The following LRMDA variants were observed in gnomAD, a reference collection of about 807,000 sequenced individuals.
LRMDA encodes leucine rich melanocyte differentiation associated, also known as leucine-rich melanocyte differentiation-associated protein.
In LRMDA, 18 loss-of-function variants were observed where a neutral mutation model predicts 29.8. The observed-to-expected ratio is 0.60, with a 90% CI of 0.42 to 0.90. LRMDA has a LOEUF of 0.90. LRMDA is among the 40% of genes least tolerant of loss of function. LRMDA has a pLI of 0.00. For missense variants in LRMDA, 273 were observed against 273.9 expected (o/e 1.00, Z 0.02); for synonymous variants, 125 against 109.4 (o/e 1.14, Z -0.89).
intron 2 of LRMDA, among the ~76,000 whole-genome samples, chr10:75,954,823 C>T (rs535494135): frequency 1.3e-5 from 2 of 152,254 alleles, no homozygotes; most frequent in Admixed American, 6.5e-5. Flanking sequence ...ACACAAACAT[C>T]GATAAACTCT....
At chr10:76,146,870 G>C (rs1475862152) in intron 5 of LRMDA, among the ~76,000 whole-genome samples, 1 of 151,838 alleles carries the variant, frequency 6.6e-6, no homozygotes, top group Non-Finnish European at 1.5e-5. Flanking sequence ...AGCTCATTTA[G>C]GGCAGGCCTG....
At chr10:75,891,578 T>C (rs1845492112) in intron 2 of LRMDA, among the ~76,000 whole-genome samples, 1 of 152,170 alleles carries the variant, frequency 6.6e-6, no homozygotes, top group Non-Finnish European at 1.5e-5. Flanking sequence ...CCTCAAAGGC[T>C]CTGGTCAGGA....
chr10:75,798,946 T>C (rs1334739553), intron 2 of LRMDA, among the ~76,000 whole-genome samples: 1 of 152,220 alleles, frequency 6.6e-6, no homozygotes, highest in Non-Finnish European at 1.5e-5. Context: ...ATTTTAATTA[T>C]CATTATGGCA....
chr10:75,790,037 C>T (rs1034563678), intron 2 of LRMDA, among the ~76,000 whole-genome samples: 1 of 151,960 alleles, frequency 6.6e-6, no homozygotes, highest in Non-Finnish European at 1.5e-5. Flanking sequence ...TATATCTTTG[C>T]TCACTTAAAG....
chr10:75,627,216 T>C (rs190998985), intron 2 of LRMDA, among the ~76,000 whole-genome samples: 29 of 152,370 alleles, frequency 1.9e-4, no homozygotes, highest in Admixed American at 1.2e-3. Flanking sequence ...AAAATTCAAC[T>C]TCAAATAGTT....
intron 2 of LRMDA, among the ~76,000 whole-genome samples, chr10:75,873,455 G>A (rs1356666749): frequency 6.6e-6 from 1 of 152,180 alleles, no homozygotes; most frequent in African/African-American, 2.4e-5. Flanking sequence ...AAATATTTGA[G>A]AAGAATATAA....
At chr10:75,718,436 C>G (rs1469978280) in intron 2 of LRMDA, among the ~76,000 whole-genome samples, 2 of 152,190 alleles carry the variant, frequency 1.3e-5, no homozygotes, top group Non-Finnish European at 2.9e-5. Flanking sequence ...GTCTACATTC[C>G]AGGACCGAAT....
intron 2 of LRMDA, among the ~76,000 whole-genome samples, chr10:75,963,697 CT>C (rs1287382682): frequency 6.6e-6 from 1 of 152,118 alleles, no homozygotes; most frequent in East Asian, 1.9e-4. Flanking sequence ...GGAATGAGAC[CT>C]GTTGTACCTG....
chr10:76,280,375 A>G (rs759010816), intron 5 of LRMDA, among the ~76,000 whole-genome samples: 1 of 152,150 alleles, frequency 6.6e-6, no homozygotes, highest in Non-Finnish European at 1.5e-5. Context: ...GGGATTTTGT[A>G]TCCACAGTAG....
chr10:76,071,386 G>A (rs1848873929), intron 5 of LRMDA, among the ~76,000 whole-genome samples: 1 of 152,188 alleles, frequency 6.6e-6, no homozygotes, highest in Admixed American at 6.5e-5. Flanking sequence ...TAGAAAAAGA[G>A]AAAGAGAGGT....
At chr10:75,659,192 T>C (rs1010627016) in intron 2 of LRMDA, among the ~76,000 whole-genome samples, 2 of 152,172 alleles carry the variant, frequency 1.3e-5, no homozygotes, top group South Asian at 4.1e-4. Context: ...TCATGGTGCC[T>C]CTTAGGGAGT....
At chr10:75,752,762 A>T (rs1842983619) in intron 2 of LRMDA, among the ~76,000 whole-genome samples, 1 of 152,202 alleles carries the variant, frequency 6.6e-6, no homozygotes, top group Non-Finnish European at 1.5e-5. Context: ...ATCACATTAA[A>T]TGAAGCTTGT....
chr10:75,739,770 TTTGA>T (rs1842807520), intron 2 of LRMDA, among the ~76,000 whole-genome samples: 1 of 152,272 alleles, frequency 6.6e-6, no homozygotes. Context: ...GTCCTATTTG[TTTGA>T]TTAACTAGTC....
chr10:76,357,576 A>G (rs940088121), intron 6 of LRMDA, among the ~76,000 whole-genome samples: 5 of 152,178 alleles, frequency 3.3e-5, no homozygotes, highest in African/African-American at 1.2e-4. Context: ...AAGGCACTCT[A>G]TATTGTTTGT....
At chr10:75,910,602 C>G (rs1049664407) in intron 2 of LRMDA, among the ~76,000 whole-genome samples, 2 of 152,112 alleles carry the variant, frequency 1.3e-5, no homozygotes, top group African/African-American at 4.8e-5. Context: ...AAGTGGGGGA[C>G]TTAGAATTTA....
chr10:75,738,008 G>A (rs571668641), intron 2 of LRMDA, among the ~76,000 whole-genome samples: 3 of 152,274 alleles, frequency 2.0e-5, no homozygotes, highest in African/African-American at 4.8e-5. Context: ...CTCTGGTTTG[G>A]GTTAGAGTGG....
intron 2 of LRMDA, among the ~76,000 whole-genome samples, chr10:75,908,947 T>C (rs1447537436): frequency 2.0e-5 from 3 of 152,302 alleles, no homozygotes; most frequent in South Asian, 2.1e-4. Flanking sequence ...ACATCTATTA[T>C]GTTTAAAGTC....
At position 76,155,960 on chromosome 10, in the gene LRMDA, T is replaced by C. The variant is rs115570819; in HGVS notation, c.516+97177T>C. On this transcript the variant is annotated intron_variant, in intron 5 of 6. Transcript: ENST00000611255. ...ACTCAAGGTCTAATTGTAAGCCAAG[T>C]CTTACAGAATTGTGTTCTTAAAACA... is the stretch of plus-strand genomic sequence containing the variant. 5.3e-3 allele frequency among the ~76,000 whole-genome samples: 808 copies of C among 152,272 alleles called. 6 individuals are homozygous for C. Among genetic ancestry groups the C allele is most frequent in the African/African-American group, 0.019 (775 of 41,552 alleles).
intron 6 of LRMDA, among the ~76,000 whole-genome samples, chr10:76,465,292 T>C (rs1199092227): frequency 6.6e-6 from 1 of 152,118 alleles, no homozygotes; most frequent in Non-Finnish European, 1.5e-5. Flanking sequence ...AGGGCTGCCA[T>C]AGAGATTTTC....
Sources: allele counts gnomAD v4.1 joint callset (sites outside exome capture counted in the v4.1 genomes callset), GRCh38; gene constraint gnomAD v4.1.1; transcripts MANE v1.5; gene names NCBI Gene and HGNC (gene_info 2026-07-23, HGNC 2026-07-21).